The following RASSF2 variants were observed in gnomAD, a reference collection of about 807,000 sequenced individuals.
The protein encoded by RASSF2 is Ras association domain family member 2, also known as ras association domain-containing protein 2.
Under a neutral mutation model 46.3 loss-of-function variants are expected in RASSF2, and 34 were observed. That is an observed-to-expected ratio of 0.73 (90% CI 0.56 to 0.98). The LOEUF (loss-of-function observed/expected upper bound fraction) is 0.98, where lower values mean the gene tolerates loss of function less well. Ranked by LOEUF, RASSF2 falls within the 50% of genes least tolerant of loss-of-function variation. The probability of loss-of-function intolerance (pLI) is 0.00; values close to 1 mark genes in which losing one functional copy is unlikely to be tolerated. For missense variants in RASSF2, 364 were observed against 431.2 expected (o/e 0.84, Z 1.38); for synonymous variants, 158 against 162.5 (o/e 0.97, Z 0.21).
intron 2 of RASSF2, among the ~76,000 whole-genome samples, chr20:4,813,019 G>A (rs545924816): frequency 6.6e-6 from 1 of 152,236 alleles, no homozygotes; most frequent in East Asian, 1.9e-4. Flanking sequence ...GCCCAGAGCC[G>A]CAGGTCCAGG....
chr20:4,805,021 G>A (rs1927232792), intron 2 of RASSF2, among the ~76,000 whole-genome samples: 1 of 152,110 alleles, frequency 6.6e-6, no homozygotes, highest in Non-Finnish European at 1.5e-5. Context: ...ACTCGGAGCT[G>A]TGCGAGATGG....
rs1489255738 is a variant in RASSF2 at position 4,792,613 on chromosome 20, G to A, written c.302C>T (p.Pro101Leu). 1.9e-6 allele frequency: 3 copies of A among 1,614,038 alleles called. No homozygotes were observed. The highest frequency in any genetic ancestry group is 8.5e-7 in the Non-Finnish European group (1 of 1,179,998). Reference protein sequence around the residue: ...NLGAQGTTLKPLTVPKVQISE... With the variant: ...NLGAQGTTLKLLTVPKVQISE... ...GATCTGAACTTTGGGCACAGTCAGGGGCTTCAGAGTGGTTCTGGGAGTGGA... is the reference window on the plus strand; with the variant it reads ...GATCTGAACTTTGGGCACAGTCAGGAGCTTCAGAGTGGTTCTGGGAGTGGA... The change falls in exon 6 of 12, where the codon CCC becomes CTC. Residue 101 changes from proline to leucine, a missense_variant. Physicochemically the swap from Pro to Leu is moderately conservative, Grantham distance 98 (BLOSUM62 -3). Coordinates refer to ENST00000379400, the MANE Select transcript of RASSF2 (RefSeq NM_014737.3).
Position 4,786,235 on chromosome 20 carries a change from G to C in RASSF2, c.907C>G (p.Arg303Gly). The C allele has an allele frequency of 6.2e-7, 1 of 1,606,726 alleles. No homozygotes were observed. The highest frequency in any genetic ancestry group is 8.5e-7 in the Non-Finnish European group (1 of 1,173,312). Reference sequence around the variant, plus strand: ...TGCCCCAGAAGCCACACTTACTTGCGCATCAGCTTCTTTACTTCCCGATCT... The same window carrying C: ...TGCCCCAGAAGCCACACTTACTTGCCCATCAGCTTCTTTACTTCCCGATCT... The part of the protein sequence containing the change: ...EEDREVKKLM[R>G]KYTVLRLMIR... The change falls in exon 11 of 12, where the codon CGC (arginine) becomes GGC (glycine). Residue 303 changes from arginine (R) to glycine (G), a missense_variant. Arg to Gly is a moderately radical substitution (Grantham distance 125). Transcript: ENST00000379400.
Position 4,781,886 on chromosome 20 carries a change from C to A in RASSF2, c.*2387G>T, listed in dbSNP as rs1339609496. 7 of 152,234 alleles carry A rather than the reference C, an allele frequency of 4.6e-5. No homozygotes were observed. Among genetic ancestry groups the A allele is most frequent in the Admixed American group, 4.6e-4 (7 of 15,282 alleles). 9.4% of individuals were successfully genotyped at this position (152,234 alleles called of 1,614,324 possible). A position where few individuals can be genotyped will look rare whatever the true frequency, so the allele number is the denominator to read the frequency against. Reference sequence around the variant, plus strand: ...TACCAGTGAGAAAATCTGCTCCACACTGTGGCAAAGTGTCTCTGTTTCAAC... The same window carrying A: ...TACCAGTGAGAAAATCTGCTCCACAATGTGGCAAAGTGTCTCTGTTTCAAC... On this transcript the variant is annotated 3_prime_UTR_variant, in exon 12 of 12. Transcript: ENST00000379400.
chr20:4,809,588 AC>A (rs1489699447), intron 2 of RASSF2, among the ~76,000 whole-genome samples: 1 of 151,896 alleles, frequency 6.6e-6, no homozygotes, highest in Non-Finnish European at 1.5e-5. Flanking sequence ...CCTCTCCTGC[AC>A]CCGGGTTATC....
intron 11 of RASSF2, among the ~76,000 whole-genome samples, chr20:4,784,663 G>T (rs3827125): frequency 6.7e-6 from 1 of 149,584 alleles, no homozygotes; most frequent in Admixed American, 6.7e-5. Context: ...AATTCAGTGC[G>T]TTTGCTTACT....
intron 10 of RASSF2, 108 bp downstream of exon 10, chr20:4,787,525 G>T: frequency 7.2e-7 from 1 of 1,387,656 alleles, no homozygotes; most frequent in Admixed American, 1.9e-5. Context: ...AGAAGTAAAA[G>T]GGGGCATGGT....
chr20:4,809,651 C>T (rs1473172060), intron 2 of RASSF2, among the ~76,000 whole-genome samples: 2 of 152,232 alleles, frequency 1.3e-5, no homozygotes, highest in African/African-American at 2.4e-5. Context: ...TCCAGGGACA[C>T]TAACCTGCTA....
chr20:4,816,692 C>T (rs928912328), intron 2 of RASSF2, among the ~76,000 whole-genome samples: 4 of 152,162 alleles, frequency 2.6e-5, no homozygotes, highest in Admixed American at 6.5e-5. Flanking sequence ...ATCGAAATCT[C>T]GCAAACCTCC....
intron 2 of RASSF2, among the ~76,000 whole-genome samples, chr20:4,804,914 G>A (rs909536971): frequency 3.3e-5 from 5 of 152,054 alleles, no homozygotes; most frequent in African/African-American, 7.2e-5. Context: ...ATGAGGGTGG[G>A]GTCCTGGGGG....
At chr20:4,807,563 C>T (rs1301927082) in intron 2 of RASSF2, among the ~76,000 whole-genome samples, 1 of 152,140 alleles carries the variant, frequency 6.6e-6, no homozygotes, top group Non-Finnish European at 1.5e-5. Flanking sequence ...TGTTCAACTT[C>T]CCTCATGACC....
chr20:4,786,786 T>C (rs888240636), intron 10 of RASSF2, among the ~76,000 whole-genome samples: 1 of 152,128 alleles, frequency 6.6e-6, no homozygotes, highest in Non-Finnish European at 1.5e-5. Context: ...TGGGGTGAGT[T>C]AAAGTTTAAA....
chr20:4,803,661 G>A (rs760112404), intron 2 of RASSF2, among the ~76,000 whole-genome samples: 2 of 152,080 alleles, frequency 1.3e-5, no homozygotes, highest in African/African-American at 2.4e-5. Flanking sequence ...GGAGTCTAAG[G>A]TAGGAGGATT....
chr20:4,814,470 G>A (rs958517011), intron 2 of RASSF2, among the ~76,000 whole-genome samples: 7 of 152,158 alleles, frequency 4.6e-5, no homozygotes, highest in Non-Finnish European at 7.3e-5. Flanking sequence ...GAGACTCTGA[G>A]CTCTGTGTGC....
At chr20:4,791,703 G>C (rs1925890083) in intron 6 of RASSF2, among the ~76,000 whole-genome samples, 1 of 152,218 alleles carries the variant, frequency 6.6e-6, no homozygotes, top group East Asian at 1.9e-4. Context: ...GCTGACAAAT[G>C]TGTGACGTGA....
At chr20:4,792,309 AT>A (rs2122483915) in intron 6 of RASSF2, among the ~76,000 whole-genome samples, 1 of 149,164 alleles carries the variant, frequency 6.7e-6, no homozygotes, top group East Asian at 2.0e-4. Context: ...ACATCCACCC[AT>A]AAAGACATGT....
At chr20:4,786,585 G>C (rs1472275831) in intron 10 of RASSF2, among the ~76,000 whole-genome samples, 1 of 152,130 alleles carries the variant, frequency 6.6e-6, no homozygotes, top group Non-Finnish European at 1.5e-5. Context: ...ATGAGGTGAA[G>C]CCAAACACAG....
intron 3 of RASSF2, among the ~76,000 whole-genome samples, chr20:4,800,024 A>C (rs967616897): frequency 1.3e-5 from 2 of 152,172 alleles, no homozygotes; most frequent in Admixed American, 6.5e-5. Flanking sequence ...AGGCAGGAGA[A>C]TCACTTGAAC....
Position 4,812,216 on chromosome 20 carries a change from G to A in RASSF2, c.-33+10113C>T, listed in dbSNP as rs564238979. 7.9e-5 allele frequency among the ~76,000 whole-genome samples: 12 copies of A among 152,294 alleles called. No homozygotes were observed. Among genetic ancestry groups the A allele is most frequent in the African/African-American group, 2.9e-4 (12 of 41,558 alleles). On this transcript the variant is annotated intron_variant, in intron 2 of 11. Coordinates refer to ENST00000379400, the MANE Select transcript of RASSF2 (RefSeq NM_014737.3). This position sits in a 1 kb window ranked among gnomAD's most constrained non-coding sequence, Gnocchi z 4.0. ...ATGTGGGCTGCCTCGGAAGGAAATG[G>A]CATACTCTGCCTTCTGCCTTCCTGC...
Sources: allele counts gnomAD v4.1 joint callset (sites outside exome capture counted in the v4.1 genomes callset), GRCh38; gene constraint gnomAD v4.1.1; non-coding constraint Gnocchi (gnomAD v3.1); transcripts MANE v1.5; gene names NCBI Gene and HGNC (gene_info 2026-07-23, HGNC 2026-07-21).